The following MEST variants were observed in gnomAD, a reference collection of about 807,000 sequenced individuals.
MEST encodes the protein mesoderm specific transcript, also known as mesoderm-specific transcript homolog protein.
A neutral mutation model predicts 50.9 loss-of-function variants in MEST; 18 were observed. The ratio of observed to expected loss-of-function variants is 0.35; its 90% CI spans 0.24 to 0.52. The LOEUF (loss-of-function observed/expected upper bound fraction) is 0.52. MEST is among the 20% of genes least tolerant of loss of function. The probability of loss-of-function intolerance (pLI) is 0.94; values close to 1 mark genes in which losing one functional copy is unlikely to be tolerated. For synonymous variants in MEST, 130 were observed against 154.1 expected, an observed-to-expected ratio of 0.84 and a Z score of 1.16; for missense variants, 282 against 425.3, an observed-to-expected ratio of 0.66 and a Z score of 2.96.
chr7:130,502,587 A>T, intron 9 of MEST, 57 bp from the exon 10 acceptor site: 1 of 1,338,232 alleles, frequency 7.5e-7, no homozygotes. Flanking sequence ...ATGCCCTTGA[A>T]TCCCTGTAAC....
chr7:130,498,402 C>T lies in MEST; in HGVS notation c.477-17C>T. The T allele has an allele frequency of 6.2e-7, 1 of 1,614,040 alleles. No homozygotes were observed. Among genetic ancestry groups the T allele is most frequent in the Non-Finnish European group, 8.5e-7 (1 of 1,180,006 alleles). On this transcript the variant is annotated splice_polypyrimidine_tract_variant and intron_variant, in intron 5 of 11. Coordinates refer to ENST00000223215, the MANE Select transcript of MEST (RefSeq NM_002402.4). ...AGTTTGCTCAGCTACATGTGTGTTT[C>T]CTCGTCTCCCTTCTAGGTACAAGCA...
intron 6 of MEST, 126 bp downstream of exon 6, chr7:130,498,603 C>A: frequency 1.2e-6 from 1 of 844,846 alleles, no homozygotes; most frequent in Non-Finnish European, 1.9e-6. Flanking sequence ...GGATCTCTAC[C>A]TCTTCTGTGC....
At position 130,497,290 on chromosome 7, in the gene MEST, G is replaced by T; in HGVS notation, c.261+55G>T. 1 of 1,478,704 alleles carries T rather than the reference G, an allele frequency of 6.8e-7. No homozygotes were observed. Among genetic ancestry groups the T allele is most frequent in the Non-Finnish European group, 9.3e-7 (1 of 1,069,690 alleles). 91.6% of individuals were successfully genotyped at this position (1,478,704 alleles called of 1,614,324 possible). ...ATGTCTTAAAAAATCTCGGCCGGGC[G>T]CGGGGGCTCAAATCCTAGCACTTTG... On this transcript the variant is annotated intron_variant, in intron 3 of 11. Transcript: ENST00000223215. The surrounding 1 kb of genome is among the most constrained non-coding windows in gnomAD (Gnocchi z 4.0).
chr7:130,501,497 T>G (rs1197238134), intron 9 of MEST, among the ~76,000 whole-genome samples: 16 of 152,206 alleles, frequency 1.1e-4, no homozygotes, highest in African/African-American at 3.6e-4. Flanking sequence ...AAATTATATT[T>G]TCCTTTCCAA....
Position 130,497,793 on chromosome 7 carries a change from T to A in MEST, c.262-143T>A. On this transcript the variant is annotated intron_variant, in intron 3 of 11. Coordinates refer to ENST00000223215, the MANE Select transcript of MEST (RefSeq NM_002402.4). This position sits in a 1 kb window ranked among gnomAD's most constrained non-coding sequence, Gnocchi z 4.0. ...AAGCATTTTCCAAGAGGATCATCTG[T>A]GGGACCTGTGGTAGTTTCATGGCGT... The A allele has an allele frequency of 1.4e-6, 1 of 727,648 alleles. No individual in the cohort carries two copies. The highest frequency in any genetic ancestry group is 1.7e-5 in the South Asian group (1 of 60,416). The allele number at this position is 727,648 out of a possible 1,614,324, so 45.1% of individuals were successfully genotyped here.
chr7:130,501,427 G>A (rs972278876), intron 9 of MEST, among the ~76,000 whole-genome samples: 4 of 152,142 alleles, frequency 2.6e-5, no homozygotes, highest in African/African-American at 9.7e-5. Context: ...GCCCCAACAG[G>A]ATCCCTGAAT....
intron 9 of MEST, 124 bp from the exon 10 acceptor site, chr7:130,502,517 CAGG>C: frequency 2.9e-6 from 2 of 682,758 alleles, no homozygotes; most frequent in Non-Finnish European, 5.1e-6. Flanking sequence ...GGGACATTTC[CAGG>C]AATGCTAAAC....
At position 130,492,330 on chromosome 7, in the gene MEST, G is replaced by T; in HGVS notation, c.17G>T (p.Arg6Leu). MVRRDRLRRMREWWVQ... is the reference protein window; with the variant it reads MVRRDLLRRMREWWVQ... The stretch of plus-strand genomic sequence containing the variant: ...AACGCGGCCATGGTGCGCCGAGATC[G>T]CCTCCGCAGGTGAGTGTGCGGTGGG... Residue 6 changes from arginine (R) to leucine (L), a missense_variant, in exon 1 of 12, where the codon CGC becomes CTC. By Grantham distance (102) the Arg-to-Leu change is moderately radical. Coordinates refer to ENST00000223215, the MANE Select transcript of MEST (RefSeq NM_002402.4). The surrounding 1 kb of genome is among the most constrained non-coding windows in gnomAD (Gnocchi z 7.6). 2 of 1,337,548 alleles carry T rather than the reference G, an allele frequency of 1.5e-6. No individual in the cohort carries two copies. Among genetic ancestry groups the T allele is most frequent in the East Asian group, 2.9e-5 (1 of 34,032 alleles). 82.9% of individuals were successfully genotyped at this position (1,337,548 alleles called of 1,614,324 possible).
At position 130,493,261 on chromosome 7, in the gene MEST, C is replaced by G. The variant is rs1798902430; in HGVS notation, c.26+922C>G. 2 of 152,144 alleles carry G rather than the reference C, an allele frequency of 1.3e-5. 1 individual carries two copies. Among genetic ancestry groups the G allele is most frequent in the South Asian group, 4.1e-4 (2 of 4,820 alleles). 9.4% of individuals were successfully genotyped at this position (152,144 alleles called of 1,614,324 possible). A position where few individuals can be genotyped will look rare whatever the true frequency, so the allele number is the denominator to read the frequency against. On this transcript the variant is annotated intron_variant, in intron 1 of 11. Transcript: ENST00000223215. ...GTGGTTCGTCTCGCGGCGACGCCATCAGGTGGGCGGCAGGTTGGGTGGTAT... is the reference window on the plus strand; with the variant it reads ...GTGGTTCGTCTCGCGGCGACGCCATGAGGTGGGCGGCAGGTTGGGTGGTAT...
In MEST at chr7:130,492,125, A is replaced by AGCTGCGCCTCGCAAGCGCAGTGCC. The variant is rs1554435424; in HGVS notation, c.-186_-163dup. On this transcript the variant is annotated 5_prime_UTR_variant, in exon 1 of 12. Coordinates refer to ENST00000223215, the MANE Select transcript of MEST (RefSeq NM_002402.4). The surrounding 1 kb of genome is among the most constrained non-coding windows in gnomAD (Gnocchi z 7.6). ...CACACCCCGGCACCTCCTCTGCGGCAGCTGCGCCTCGCAAGCGCAGTGCCG... is the reference window on the plus strand; with the variant it reads ...CACACCCCGGCACCTCCTCTGCGGCAGCTGCGCCTCGCAAGCGCAGTGCCGCTGCGCCTCGCAAGCGCAGTGCCG... 1 of 306,802 alleles carries AGCTGCGCCTCGCAAGCGCAGTGCC rather than the reference A, an allele frequency of 3.3e-6. No homozygotes were observed. The highest frequency in any genetic ancestry group is 5.7e-6 in the Non-Finnish European group (1 of 174,348). The allele number at this position is 306,802 out of a possible 1,614,324, so 19.0% of individuals were successfully genotyped here.
At chr7:130,487,111 AAAG>A (rs1798648953), upstream of MEST, 1 of 151,952 alleles carries the variant, frequency 6.6e-6, no homozygotes, top group Non-Finnish European at 1.5e-5. Context: ...AAAAAAAAAA[AAAG>A]CGAGAAAGAG....
Position 130,497,219 on chromosome 7 carries a change from G to T in MEST, c.245G>T (p.Ser82Ile). The T allele has an allele frequency of 6.2e-7, 1 of 1,613,168 alleles. No homozygotes were observed. The highest frequency in any genetic ancestry group is 8.5e-7 in the Non-Finnish European group (1 of 1,179,554). The change falls in exon 3 of 12, where the codon AGC becomes ATC. Residue 82 changes from serine (S) to isoleucine (I), a missense_variant. Transcript: ENST00000223215. This position sits in a 1 kb window ranked among gnomAD's most constrained non-coding sequence, Gnocchi z 4.0. ...VVLLHGFPTSSYDWYKIWEGL... is the reference protein window; with the variant it reads ...VVLLHGFPTSIYDWYKIWEGL... ...CTTTTACACGGTTTTCCAACATCCA[G>T]CTACGACTGGTACAAGGTAATGAAG...
chr7:130,498,013 G>A lies in MEST; in HGVS notation c.339G>A (p.Pro113=), dbSNP rs782305619. ...TAGGCTTTGGCTTCAGTGACAAACC[G>A]GTAAGCAGCACCTATGTGGGGCTGG... ...DFLGFGFSDK[P]RPHHYSIFEQ... is the part of the protein sequence containing the mutation. Residue 113 remains proline, a splice_region_variant and synonymous_variant, in exon 4 of 12, where the codon CCG becomes CCA. Coordinates refer to ENST00000223215, the MANE Select transcript of MEST (RefSeq NM_002402.4). The A allele has an allele frequency of 2.5e-6, 4 of 1,614,048 alleles. No individual in the cohort carries two copies. Among genetic ancestry groups the A allele is most frequent in the African/African-American group, 2.7e-5 (2 of 74,918 alleles).
At chr7:130,487,648 T>G (rs781941508), upstream of MEST, 2 of 152,226 alleles carry the variant, frequency 1.3e-5, no homozygotes, top group Non-Finnish European at 2.9e-5. Flanking sequence ...AATTTGTTTT[T>G]GTTTGGTTTT....
intron 4 of MEST, 53 bp from the exon 5 acceptor site, chr7:130,498,086 A>C (rs1401364209): frequency 3.7e-6 from 6 of 1,613,928 alleles, no homozygotes; most frequent in Non-Finnish European, 4.2e-6. Flanking sequence ...AGGCTGGCAG[A>C]GAGAGCTGTC....
Position 130,495,425 on chromosome 7 carries a change from C to G in MEST, c.84C>G (p.Tyr28Ter), listed in dbSNP as rs1401589386. 6.2e-7 allele frequency: 1 copy of G among 1,613,928 alleles called. No individual in the cohort carries two copies. The highest frequency in any genetic ancestry group is 8.5e-7 in the Non-Finnish European group (1 of 1,179,928). The change falls in exon 2 of 12, where the codon TAC (tyrosine) becomes TAG (stop). Residue 28 changes from tyrosine (Y) to a stop codon, truncating the protein, a stop_gained. Coordinates refer to ENST00000223215, the MANE Select transcript of MEST (RefSeq NM_002402.4). LOFTEE classifies it high-confidence loss of function. Reference protein sequence around the residue: ...GLLAVPLLAAYLHIPPPQLSP... With the variant: ...GLLAVPLLAA ...TGGCCGTGCCCCTGCTTGCTGCGTACCTGCACATCCCACCCCCTCAGCTCT... is the reference window on the plus strand; with the variant it reads ...TGGCCGTGCCCCTGCTTGCTGCGTAGCTGCACATCCCACCCCCTCAGCTCT...
intron 2 of MEST, chr7:130,496,364 GCA>G (rs1799061251): frequency 5.9e-6 from 2 of 337,916 alleles, no homozygotes; most frequent in African/African-American, 2.3e-5. Flanking sequence ...GATTTTATTT[GCA>G]CAGATTCTCA....
At chr7:130,490,548 G>A (rs986694205), upstream of MEST, among the ~76,000 whole-genome samples, 17 of 152,172 alleles carry the variant, frequency 1.1e-4, no homozygotes, top group Admixed American at 4.6e-4. Context: ...GCACCGTGGC[G>A]GGCTCTGGGG....
chr7:130,498,634 TG>T (rs202182378), intron 6 of MEST, 157 bp downstream of exon 6: 2 of 683,398 alleles, frequency 2.9e-6, no homozygotes, highest in East Asian at 5.4e-5. Context: ...TTTGGTGGTC[TG>T]ACAAGATTTA....
Sources: gnomAD v4.1 joint callset for allele counts (sites outside exome capture counted in the v4.1 genomes callset) on GRCh38, gnomAD v4.1.1 for gene constraint, Gnocchi (gnomAD v3.1) non-coding constraint, MANE v1.5 for transcripts, NCBI Gene and HGNC (gene_info 2026-07-23, HGNC 2026-07-21) for gene names.